RANBP2: variants seen among roughly 807,000 people sequenced by gnomAD.
RANBP2 encodes the protein E3 SUMO-protein ligase RanBP2.
RANBP2 carries 57 observed loss-of-function variants against 303.6 expected under a neutral mutation model. The ratio of observed to expected loss-of-function variants is 0.19; its 90% CI spans 0.15 to 0.23. The LOEUF is 0.23. Ranked by LOEUF, RANBP2 falls within the 10% of genes least tolerant of loss-of-function variation. The pLI is 1.00. For synonymous variants in RANBP2, 1,167 were observed against 1,301.5 expected, an observed-to-expected ratio of 0.90 and a Z score of 2.23; for missense variants, 3,138 against 3,780.8, an observed-to-expected ratio of 0.83 and a Z score of 4.46.
the RANBP2 span, among the ~76,000 whole-genome samples, chr2:109,689,637 T>A: frequency 6.6e-6 from 1 of 152,104 alleles, no homozygotes; most frequent in Non-Finnish European, 1.5e-5. Flanking sequence ...AACTGAGATT[T>A]TTTTCCCGCT....
At chr2:108,839,964 C>T in the RANBP2 span, among the ~76,000 whole-genome samples, 6 of 151,920 alleles carry the variant, frequency 3.9e-5, no homozygotes, top group African/African-American at 1.4e-4. Flanking sequence ...GAGGAAAATT[C>T]ATTCTGCCAT....
chr2:108,772,742 C>G, intron 22 of RANBP2, 126 bp from the exon 23 acceptor site: 1 of 1,234,948 alleles, frequency 8.1e-7, no homozygotes, highest in Non-Finnish European at 1.1e-6. Flanking sequence ...CTGGGTGGTC[C>G]TTGTTTTTCA....
intron 7 of RANBP2, among the ~76,000 whole-genome samples, chr2:108,745,415 C>G (rs1696428560): frequency 6.8e-6 from 1 of 147,048 alleles, no homozygotes; most frequent in Non-Finnish European, 1.5e-5. Flanking sequence ...CATTACTTTT[C>G]AAGATAGCCC....
the RANBP2 span, among the ~76,000 whole-genome samples, chr2:109,212,132 C>T: frequency 1.2e-3 from 178 of 152,270 alleles, 3 homozygotes; most frequent in South Asian, 0.035. Flanking sequence ...TGGTCCGAAT[C>T]GAGCCTCTGG....
chr2:109,028,176 T>G, the RANBP2 span, among the ~76,000 whole-genome samples: 9 of 152,142 alleles, frequency 5.9e-5, no homozygotes, highest in African/African-American at 2.2e-4. Context: ...GAGGCTGAGG[T>G]GGGTGGATCA....
chr2:109,000,265 G>A, the RANBP2 span, among the ~76,000 whole-genome samples: 1 of 152,222 alleles, frequency 6.6e-6, no homozygotes, highest in Admixed American at 6.5e-5. Context: ...GGTGGCTCAT[G>A]TCTGTAATCC....
At chr2:109,128,817 G>C in the RANBP2 span, 1 of 205,630 alleles carries the variant, frequency 4.9e-6, no homozygotes. Context: ...GACGCTTGGA[G>C]GAGGCAGGGC....
At chr2:109,631,861 G>A in the RANBP2 span, among the ~76,000 whole-genome samples, 1 of 152,078 alleles carries the variant, frequency 6.6e-6, no homozygotes, top group African/African-American at 2.4e-5. Context: ...AAAACCCTTG[G>A]GGTTTTTTGA....
chr2:109,608,839 G>T, the RANBP2 span, among the ~76,000 whole-genome samples: 1 of 152,174 alleles, frequency 6.6e-6, no homozygotes, highest in Non-Finnish European at 1.5e-5. Flanking sequence ...TCAGAAGAAA[G>T]TGTAAGAATT....
At chr2:108,838,714 T>G in the RANBP2 span, among the ~76,000 whole-genome samples, 3 of 152,170 alleles carry the variant, frequency 2.0e-5, no homozygotes, top group African/African-American at 4.8e-5. Flanking sequence ...TACTCCAGTT[T>G]CTGAAATCCA....
chr2:109,442,347 A>G, the RANBP2 span, among the ~76,000 whole-genome samples: 1 of 151,912 alleles, frequency 6.6e-6, no homozygotes, highest in Non-Finnish European at 1.5e-5. Context: ...ACACTATTAG[A>G]AAGGTAAAAA....
chr2:109,523,814 G>A, the RANBP2 span, among the ~76,000 whole-genome samples: 105 of 152,294 alleles, frequency 6.9e-4, 1 homozygote, highest in African/African-American at 2.5e-3. Context: ...ATACCTCAGA[G>A]ACTGGGACAT....
the RANBP2 span, among the ~76,000 whole-genome samples, chr2:109,088,036 G>T: frequency 1.3e-5 from 2 of 152,262 alleles, no homozygotes; most frequent in East Asian, 1.9e-4. Flanking sequence ...AGGCCAAGGC[G>T]GGCGGATCAT....
the RANBP2 span, among the ~76,000 whole-genome samples, chr2:108,822,503 C>G: frequency 6.6e-6 from 1 of 152,142 alleles, no homozygotes; most frequent in South Asian, 2.1e-4. Flanking sequence ...ATGATACATT[C>G]TTCTCTTCTC....
At chr2:108,956,457 A>T in the RANBP2 span, among the ~76,000 whole-genome samples, 1 of 152,182 alleles carries the variant, frequency 6.6e-6, no homozygotes, top group Non-Finnish European at 1.5e-5. Flanking sequence ...CTCCACTAGC[A>T]CTGCACCAAG....
the RANBP2 span, among the ~76,000 whole-genome samples, chr2:109,650,959 A>T: frequency 5.9e-5 from 9 of 152,146 alleles, no homozygotes; most frequent in Non-Finnish European, 8.8e-5. Context: ...GTCTTGAGGG[A>T]CAGTCCCCAG....
At chr2:108,989,021 G>A in the RANBP2 span, 2 of 152,340 alleles carry the variant, frequency 1.3e-5, no homozygotes, top group Non-Finnish European at 2.9e-5. Flanking sequence ...AGAAAGTCAG[G>A]TACCATCCAG....
At chr2:108,992,092 A>G in the RANBP2 span, among the ~76,000 whole-genome samples, 1 of 152,054 alleles carries the variant, frequency 6.6e-6, no homozygotes, top group Non-Finnish European at 1.5e-5. Flanking sequence ...GAGCCACCGG[A>G]CTCACCTTAA....
At chr2:109,159,710 C>T in the RANBP2 span, among the ~76,000 whole-genome samples, 1 of 152,180 alleles carries the variant, frequency 6.6e-6, no homozygotes, top group African/African-American at 2.4e-5. Context: ...TCCCATCACT[C>T]CCATTACCGC....
Sources: allele counts gnomAD v4.1 joint callset (sites outside exome capture counted in the v4.1 genomes callset), GRCh38; gene constraint gnomAD v4.1.1; transcripts MANE v1.5; gene names NCBI Gene and HGNC (gene_info 2026-07-23, HGNC 2026-07-21).